RPTOR: variants seen among roughly 807,000 people sequenced by gnomAD.
The protein encoded by RPTOR is regulatory-associated protein of mTOR.
A neutral mutation model predicts 169.9 loss-of-function variants in RPTOR; 21 were observed. The ratio of observed to expected loss-of-function variants is 0.12; its 90% CI spans 0.09 to 0.18. The LOEUF is 0.18. Among genes scored for constraint, RPTOR ranks in the 10% least tolerant of loss-of-function variants. The pLI is 1.00. For synonymous variants in RPTOR, 732 were observed against 753.2 expected, an observed-to-expected ratio of 0.97 and a Z score of 0.46; for missense variants, 1,133 against 1,855.9, an observed-to-expected ratio of 0.61 and a Z score of 7.16.
In RPTOR at chr17:80,910,639, C is replaced by T. The variant is rs541185414; in HGVS notation, c.2520+1710C>T. ...TAGTCCATCGCTTTTTCCAAATGAG[C>T]TATCGAGTCTCCCCCTCTCATTTGC... On this transcript the variant is annotated intron_variant, in intron 21 of 33. Transcript: ENST00000306801. Among the ~76,000 whole-genome samples the T allele has an allele frequency of 9.2e-5, 14 of 152,222 alleles. No homozygotes were observed. The South Asian group carries it at 2.3e-3, about 25-fold the overall frequency.
chr17:80,964,196 C>CCG lies in RPTOR; in HGVS notation c.3940-65_3940-64insGC, dbSNP rs143547852. The CCG allele has an allele frequency of 3.6e-3, 3,635 of 1,008,830 alleles. 114 individuals carry two copies. The African/African-American group carries it at 0.051, about 14-fold the overall frequency. 62.5% of individuals were successfully genotyped at this position (1,008,830 alleles called of 1,614,324 possible). A position where few individuals can be genotyped will look rare whatever the true frequency, so the allele number is the denominator to read the frequency against. ...GCCTAAGGATGCGGGTTGGCCTGCG[C>CCG]CCCCCCGCCCCCCGCAGTGTCTGCC... On this transcript the variant is annotated intron_variant, in intron 33 of 33. Coordinates refer to ENST00000306801, the MANE Select transcript of RPTOR (RefSeq NM_020761.3).
At chr17:80,607,387 T>C (rs1851415730) in intron 1 of RPTOR, among the ~76,000 whole-genome samples, 1 of 152,228 alleles carries the variant, frequency 6.6e-6, no homozygotes, top group Non-Finnish European at 1.5e-5. Flanking sequence ...TTTAATGTCA[T>C]GTATCAATCG....
In RPTOR at chr17:80,643,730, C is replaced by T. The variant is rs2065571222; in HGVS notation, c.268C>T (p.Pro90Ser). 6.2e-7 allele frequency: 1 copy of T among 1,612,294 alleles called. No homozygotes were observed. The highest frequency in any genetic ancestry group is 1.7e-5 in the Admixed American group (1 of 59,802). The change falls in exon 3 of 34, where the codon CCT (proline) becomes TCT (serine). Residue 90 changes from proline to serine, a missense_variant and splice_region_variant. Coordinates refer to ENST00000306801, the MANE Select transcript of RPTOR (RefSeq NM_020761.3). Reference sequence around the variant, plus strand: ...TCTCTTTTCCATTGCTTCCTCAGATCCTCTGTCGATGGGTCCTCAGAAAGC... The same window carrying T: ...TCTCTTTTCCATTGCTTCCTCAGATTCTCTGTCGATGGGTCCTCAGAAAGC... ...PCARLECWID[P>S]LSMGPQKALE...
At chr17:80,930,568 G>A (rs1370176952) in intron 24 of RPTOR, among the ~76,000 whole-genome samples, 1 of 92,270 alleles carries the variant, frequency 1.1e-5, no homozygotes, top group Non-Finnish European at 2.4e-5. Context: ...GAGGACAGCT[G>A]GCTCCACCCC....
chr17:80,704,055 A>G (rs2066123482), intron 3 of RPTOR, among the ~76,000 whole-genome samples: 1 of 152,170 alleles, frequency 6.6e-6, no homozygotes, highest in Admixed American at 6.5e-5. Context: ...GACATGGGCG[A>G]GATGGGGCTG....
At chr17:80,627,394 G>A (rs2065404399) in intron 2 of RPTOR, among the ~76,000 whole-genome samples, 1 of 152,180 alleles carries the variant, frequency 6.6e-6, no homozygotes, top group Admixed American at 6.5e-5. Context: ...AATATGTACA[G>A]CCATGTAACA....
chr17:80,895,285 C>T (rs1193798460), intron 20 of RPTOR, among the ~76,000 whole-genome samples: 1 of 152,212 alleles, frequency 6.6e-6, no homozygotes, highest in Non-Finnish European at 1.5e-5. Context: ...ATTCAGAGCC[C>T]CCATCTGGCA....
In RPTOR at chr17:80,857,776, T is replaced by C. The variant is rs2067870800; in HGVS notation, c.1399-14T>C. 6.3e-7 allele frequency: 1 copy of C among 1,597,524 alleles called. No individual in the cohort carries two copies. The highest frequency in any genetic ancestry group is 8.5e-7 in the Non-Finnish European group (1 of 1,171,580). ...CTGCGGCACAGGTGCGCTGACGCCC[T>C]CCCTCGCCCCCAGGCCTTGTCTGTC... On this transcript the variant is annotated splice_polypyrimidine_tract_variant and intron_variant, in intron 12 of 33. Transcript: ENST00000306801.
chr17:80,903,765 G>A (rs2068506393), intron 20 of RPTOR, among the ~76,000 whole-genome samples: 1 of 152,166 alleles, frequency 6.6e-6, no homozygotes, highest in Non-Finnish European at 1.5e-5. Flanking sequence ...AGGCCTCGAG[G>A]TCTGGGTTTC....
At chr17:80,963,096 T>TG in intron 33 of RPTOR, 39 bp downstream of exon 33, 2 of 45,604 alleles carry the variant, frequency 4.4e-5, no homozygotes, top group Non-Finnish European at 8.2e-5. Context: ...GGTCGGGGGC[T>TG]GGGGTAGAGG....
At chr17:80,700,735 GGTGGTGGTGGTGGTGGTGATGA>G (rs2066089680) in intron 3 of RPTOR, among the ~76,000 whole-genome samples, 3 of 106,034 alleles carry the variant, frequency 2.8e-5, no homozygotes, top group Non-Finnish European at 6.3e-5. Flanking sequence ...TGGTGATGAT[GGTGGTGGTGGTGGTGGTGATGA>G]TGGTGATGGT....
intron 3 of RPTOR, among the ~76,000 whole-genome samples, chr17:80,691,916 G>A (rs2065995347): frequency 1.3e-5 from 2 of 152,126 alleles, no homozygotes; most frequent in Admixed American, 6.5e-5. Context: ...TTTCCACATG[G>A]AGTGCTCAGA....
chr17:80,922,650 G>A (rs2068759192), intron 21 of RPTOR, 74 bp from the exon 22 acceptor site: 1 of 1,235,808 alleles, frequency 8.1e-7, no homozygotes, highest in East Asian at 2.5e-5. Flanking sequence ...CTCCACGCCA[G>A]CCTCTGCTTC....
intron 11 of RPTOR, among the ~76,000 whole-genome samples, chr17:80,852,516 C>T (rs189525185): frequency 2.4e-3 from 369 of 152,270 alleles, no homozygotes; most frequent in Middle Eastern, 0.024. Context: ...ATCACCAGCA[C>T]GGGGAACCTG....
chr17:80,547,916 C>T (rs2084296542), intron 1 of RPTOR, among the ~76,000 whole-genome samples: 1 of 152,092 alleles, frequency 6.6e-6, no homozygotes, highest in Non-Finnish European at 1.5e-5. Context: ...ACTGAAGGGG[C>T]AACTGGGCTA....
chr17:80,898,577 C>CTT (rs1016300431), intron 20 of RPTOR, among the ~76,000 whole-genome samples: 2 of 152,076 alleles, frequency 1.3e-5, no homozygotes, highest in East Asian at 1.9e-4. Flanking sequence ...AGCTCATTAA[C>CTT]TTTGAGTTTT....
intron 7 of RPTOR, among the ~76,000 whole-genome samples, chr17:80,812,576 G>A (rs1467392454): frequency 6.6e-6 from 1 of 152,104 alleles, no homozygotes; most frequent in Non-Finnish European, 1.5e-5. Flanking sequence ...CAGCGTCCCT[G>A]CTGCTGGGTC....
chr17:80,599,556 C>T (rs1288429207), intron 1 of RPTOR, among the ~76,000 whole-genome samples: 1 of 152,214 alleles, frequency 6.6e-6, no homozygotes, highest in Non-Finnish European at 1.5e-5. Flanking sequence ...CAGGAGAGTG[C>T]TGCTGGCTGC....
At chr17:80,627,070 C>G (rs1211203935) in intron 2 of RPTOR, among the ~76,000 whole-genome samples, 1 of 152,196 alleles carries the variant, frequency 6.6e-6, no homozygotes, top group African/African-American at 2.4e-5. Flanking sequence ...TGCCTTCTTT[C>G]ACTTAGCATA....
Sources: allele counts gnomAD v4.1 joint callset (sites outside exome capture counted in the v4.1 genomes callset), GRCh38; gene constraint gnomAD v4.1.1; transcripts MANE v1.5; gene names NCBI Gene and HGNC (gene_info 2026-07-23, HGNC 2026-07-21).